Variants in ELK3 observed in about 807,000 individuals in gnomAD.
ELK3 encodes the protein ETS transcription factor ELK3, also known as ETS domain-containing protein Elk-3.
Under a neutral mutation model 28.9 loss-of-function variants are expected in ELK3, and 10 were observed. The observed-to-expected ratio is 0.35, with a 90% CI of 0.21 to 0.59. The LOEUF is 0.59. Among genes scored for constraint, ELK3 ranks in the 20% least tolerant of loss-of-function variants. The pLI is 0.82. For missense variants in ELK3, 463 were observed against 517.3 expected (o/e 0.90, Z 1.02); for synonymous variants, 272 against 243.5 (o/e 1.12, Z -1.09).
At position 96,230,800 on chromosome 12, in the gene ELK3, T is replaced by A. The variant is rs373511732; in HGVS notation, c.207+7027T>A. On this transcript the variant is annotated intron_variant, in intron 2 of 4. Coordinates refer to ENST00000228741, the MANE Select transcript of ELK3 (RefSeq NM_005230.4). ...AGGCTCCTTCCTGCATCTACAGTTG[T>A]GCGGAGTGCACGTGACGCAGGTGTG... Among the ~76,000 whole-genome samples the A allele has an allele frequency of 1.7e-4, 26 of 152,340 alleles. No homozygotes were observed. In the South Asian group the frequency reaches 5.0e-3, roughly 29 times the overall value.
intron 2 of ELK3, among the ~76,000 whole-genome samples, chr12:96,231,057 AG>A (rs1457455283): frequency 1.3e-5 from 2 of 152,364 alleles, no homozygotes; most frequent in East Asian, 3.9e-4. Context: ...CGTGAGGGGC[AG>A]AAACCAGAGT....
intron 2 of ELK3, among the ~76,000 whole-genome samples, chr12:96,234,559 T>C (rs1032780388): frequency 6.6e-6 from 1 of 152,176 alleles, no homozygotes; most frequent in African/African-American, 2.4e-5. Context: ...CCTGTGCTCC[T>C]CCACGGCTCT....
chr12:96,205,753 A>G (rs943697887), intron 1 of ELK3, among the ~76,000 whole-genome samples: 2 of 152,244 alleles, frequency 1.3e-5, no homozygotes, highest in African/African-American at 4.8e-5. Flanking sequence ...AGATGTTATC[A>G]TATCTTTGCT....
At position 96,249,119 on chromosome 12, in the gene ELK3, G is replaced by C. The variant is rs149423302; in HGVS notation, c.1002+1385G>C. Among the ~76,000 whole-genome samples, 620 of 152,316 alleles carry C rather than the reference G, an allele frequency of 4.1e-3. 3 individuals carry two copies. Among genetic ancestry groups the C allele is most frequent in the African/African-American group, 0.014 (573 of 41,560 alleles). On this transcript the variant is annotated intron_variant, in intron 3 of 4. Transcript: ENST00000228741. ...CCTGTTTCCCAGCTGAGATAAATGA[G>C]GCACAGAGGTAAAGTAGTTCGTCCA...
intron 1 of ELK3, among the ~76,000 whole-genome samples, chr12:96,203,650 A>G (rs1481912563): frequency 2.6e-5 from 4 of 152,122 alleles, no homozygotes; most frequent in Admixed American, 2.6e-4. Context: ...TGGTTAAACC[A>G]TAAAGACAGG....
chr12:96,259,651 A>C, intron 3 of ELK3, 80 bp from the exon 4 acceptor site: 1 of 1,476,802 alleles, frequency 6.8e-7, no homozygotes, highest in South Asian at 1.4e-5. Context: ...TAGCCTACCT[A>C]ACCTCTCTCT....
At chr12:96,203,024 A>C (rs1951516649) in intron 1 of ELK3, among the ~76,000 whole-genome samples, 1 of 152,128 alleles carries the variant, frequency 6.6e-6, no homozygotes, top group African/African-American at 2.4e-5. Context: ...CTGGGACTAC[A>C]GGCATGCGCC....
intron 2 of ELK3, among the ~76,000 whole-genome samples, chr12:96,238,860 C>A (rs1951801024): frequency 6.6e-6 from 1 of 152,208 alleles, no homozygotes; most frequent in Admixed American, 6.5e-5. Flanking sequence ...CTGCAGTTAA[C>A]CCCACTATTA....
chr12:96,228,387 C>A (rs951315635), intron 2 of ELK3, among the ~76,000 whole-genome samples: 1 of 134,802 alleles, frequency 7.4e-6, no homozygotes, highest in Admixed American at 8.4e-5. Context: ...CACTGCACTC[C>A]AGCCTGGCGA....
Position 96,247,660 on chromosome 12 carries a change from G to T in ELK3, c.928G>T (p.Asp310Tyr), listed in dbSNP as rs762306653. 1 of 1,612,412 alleles carries T rather than the reference G, an allele frequency of 6.2e-7. No individual in the cohort carries two copies. The highest frequency in any genetic ancestry group is 1.1e-5 in the South Asian group (1 of 91,056). ...SAPPLVLSGT[D>Y]IGSIALNSPA... ...GCCCCCGCTGGTGCTCTCCGGCACCGACATCGGCTCCATCGCCCTCAACAG... is the reference window on the plus strand; with the variant it reads ...GCCCCCGCTGGTGCTCTCCGGCACCTACATCGGCTCCATCGCCCTCAACAG... The change falls in exon 3 of 5, where the codon GAC becomes TAC. Residue 310 changes from aspartate (D) to tyrosine (Y), a missense_variant. By Grantham distance (160) the Asp-to-Tyr change is radical (BLOSUM62 -3). Coordinates refer to ENST00000228741, the MANE Select transcript of ELK3 (RefSeq NM_005230.4). This position sits in a 1 kb window ranked among gnomAD's most constrained non-coding sequence, Gnocchi z 5.5.
chr12:96,207,292 A>G (rs1209512761), intron 1 of ELK3, among the ~76,000 whole-genome samples: 8 of 152,248 alleles, frequency 5.3e-5, no homozygotes, highest in Non-Finnish European at 8.8e-5. Context: ...ATGCAGCTAG[A>G]CTTGATGTCC....
intron 4 of ELK3, 28 bp downstream of exon 4, chr12:96,259,881 C>A: frequency 1.3e-6 from 2 of 1,570,758 alleles, no homozygotes; most frequent in Non-Finnish European, 1.7e-6. Flanking sequence ...AACTTTTGAA[C>A]ATTAAGCTTC....
rs7302265 is a variant in ELK3, at chr12:96,201,654, A to G, written c.-3+6949A>G. 5.6e-3 allele frequency among the ~76,000 whole-genome samples: 843 copies of G among 150,820 alleles called. 7 individuals are homozygous for G. The highest frequency in any genetic ancestry group is 0.019 in the African/African-American group (767 of 41,052). On this transcript the variant is annotated intron_variant, in intron 1 of 4. Coordinates refer to ENST00000228741, the MANE Select transcript of ELK3 (RefSeq NM_005230.4). ...TACTCCCTTTCAAGTCGGAAGCCCT[A>G]TTTGTGTACTGCTATATTTGGAGGA... is the stretch of plus-strand genomic sequence containing the variant.
chr12:96,254,659 A>T (rs1039557236), intron 3 of ELK3, among the ~76,000 whole-genome samples: 3 of 152,040 alleles, frequency 2.0e-5, no homozygotes, highest in Admixed American at 6.6e-5. Flanking sequence ...CGTGGATAAA[A>T]TAGTCTCTGA....
intron 1 of ELK3, among the ~76,000 whole-genome samples, chr12:96,210,205 TTG>T (rs930333061): frequency 2.0e-5 from 3 of 152,164 alleles, no homozygotes; most frequent in Admixed American, 2.0e-4. Flanking sequence ...GAAAGACAGT[TTG>T]TAAGATCCTA....
In ELK3 at chr12:96,204,113, G is replaced by A. The variant is rs10160897; in HGVS notation, c.-3+9408G>A. ...CAGTGTTACTATACTGAGAGTGGTC[G>A]GTTAACAGTAAAGTTATTCGTGGGA... On this transcript the variant is annotated intron_variant, in intron 1 of 4. Coordinates refer to ENST00000228741, the MANE Select transcript of ELK3 (RefSeq NM_005230.4). Among the ~76,000 whole-genome samples the A allele has an allele frequency of 2.6e-3, 398 of 152,204 alleles. 5 individuals are homozygous for A. Among genetic ancestry groups the A allele is most frequent in the African/African-American group, 9.0e-3 (374 of 41,524 alleles).
At chr12:96,209,771 T>C (rs997447718) in intron 1 of ELK3, among the ~76,000 whole-genome samples, 2 of 152,228 alleles carry the variant, frequency 1.3e-5, no homozygotes, top group African/African-American at 4.8e-5. Flanking sequence ...TCAAAAGGAT[T>C]ACATATTTTT....
chr12:96,234,810 A>T lies in ELK3; in HGVS notation c.207+11037A>T, dbSNP rs1432077646. Among the ~76,000 whole-genome samples the T allele has an allele frequency of 3.3e-5, 5 of 152,242 alleles. No individual in the cohort carries two copies. In the East Asian group the frequency reaches 9.7e-4, roughly 29 times the overall value. On this transcript the variant is annotated intron_variant, in intron 2 of 4. Transcript: ENST00000228741. ...AGCAGGGCGGTGGCAGAGCTTTCAGACTAAGAGTGTTGACCCCCAAGGCCC... is the reference window on the plus strand; with the variant it reads ...AGCAGGGCGGTGGCAGAGCTTTCAGTCTAAGAGTGTTGACCCCCAAGGCCC...
chr12:96,246,842 T>G, intron 2 of ELK3, 98 bp from the exon 3 acceptor site: 1 of 1,265,010 alleles, frequency 7.9e-7, no homozygotes, highest in Non-Finnish European at 1.1e-6. Context: ...ATCAGGAACA[T>G]TTTGGTGCTT....
Sources: allele counts gnomAD v4.1 joint callset (sites outside exome capture counted in the v4.1 genomes callset), GRCh38; gene constraint gnomAD v4.1.1; non-coding constraint Gnocchi (gnomAD v3.1); transcripts MANE v1.5; gene names NCBI Gene and HGNC (gene_info 2026-07-23, HGNC 2026-07-21).